The following RAP1GDS1 variants were observed in gnomAD, a reference collection of about 807,000 sequenced individuals.
The protein encoded by RAP1GDS1 is Rap1 GTPase-GDP dissociation stimulator 1, also known as RAP1, GTP-GDP dissociation stimulator 1.
A neutral mutation model predicts 71.1 loss-of-function variants in RAP1GDS1; 35 were observed. The observed-to-expected ratio is 0.49, with a 90% CI of 0.38 to 0.65. RAP1GDS1 has a LOEUF of 0.65. Ranked by LOEUF, RAP1GDS1 falls within the 30% of genes least tolerant of loss-of-function variation. The pLI, the probability that RAP1GDS1 is intolerant of heterozygous loss-of-function variation, is 0.00. For missense variants in RAP1GDS1, 663 were observed against 706.1 expected (o/e 0.94, Z 0.69); for synonymous variants, 229 against 243.1 (o/e 0.94, Z 0.54).
intron 2 of RAP1GDS1, among the ~76,000 whole-genome samples, chr4:98,303,064 A>C (rs1434250239): frequency 1.3e-5 from 2 of 151,796 alleles, no homozygotes; most frequent in Non-Finnish European, 2.9e-5. Context: ...AAAAAAAAAA[A>C]GAGGAAAGAA....
chr4:98,430,397 G>C (rs1251415700), intron 12 of RAP1GDS1, among the ~76,000 whole-genome samples: 2 of 152,140 alleles, frequency 1.3e-5, no homozygotes, highest in Non-Finnish European at 2.9e-5. Flanking sequence ...AATTGCATGA[G>C]TTCTATGTCA....
chr4:98,282,457 C>A (rs1578291870), intron 1 of RAP1GDS1, among the ~76,000 whole-genome samples: 1 of 152,058 alleles, frequency 6.6e-6, no homozygotes, highest in Non-Finnish European at 1.5e-5. Context: ...GTGGTGATAT[C>A]CTCTTTATCA....
chr4:98,306,984 T>C (rs948175620), intron 2 of RAP1GDS1, among the ~76,000 whole-genome samples: 2 of 152,270 alleles, frequency 1.3e-5, no homozygotes, highest in Non-Finnish European at 2.9e-5. Flanking sequence ...ATGAGACATT[T>C]TTTGGAAATA....
chr4:98,279,560 A>C (rs889359483), intron 1 of RAP1GDS1, among the ~76,000 whole-genome samples: 11 of 152,022 alleles, frequency 7.2e-5, no homozygotes, highest in African/African-American at 2.7e-4. Flanking sequence ...ATATACTTAC[A>C]TGTATACATA....
At chr4:98,384,461 A>G (rs564945662) in intron 5 of RAP1GDS1, among the ~76,000 whole-genome samples, 2 of 151,856 alleles carry the variant, frequency 1.3e-5, no homozygotes, top group African/African-American at 2.4e-5. Context: ...ATAAAGTTCT[A>G]CCACAAGTGT....
chr4:98,374,113 G>A (rs749823594), intron 4 of RAP1GDS1, among the ~76,000 whole-genome samples: 1 of 152,246 alleles, frequency 6.6e-6, no homozygotes, highest in Admixed American at 6.5e-5. Context: ...CATGGATGAA[G>A]GGGGACTACT....
chr4:98,416,257 T>G (rs577648294), intron 7 of RAP1GDS1, among the ~76,000 whole-genome samples: 1 of 151,840 alleles, frequency 6.6e-6, no homozygotes, highest in South Asian at 2.1e-4. Context: ...TTTTGTATAT[T>G]TAAATGAACT....
chr4:98,408,279 A>T (rs559134999), intron 7 of RAP1GDS1, among the ~76,000 whole-genome samples: 1 of 151,838 alleles, frequency 6.6e-6, no homozygotes, highest in Non-Finnish European at 1.5e-5. Context: ...GGCGCCTCCT[A>T]CCACGCCTGG....
chr4:98,421,298 G>C lies in RAP1GDS1; in HGVS notation c.1344G>C (p.Glu448Asp). 2 of 1,611,696 alleles carry C rather than the reference G, an allele frequency of 1.2e-6. No homozygotes were observed. Among genetic ancestry groups the C allele is most frequent in the Non-Finnish European group, 1.7e-6 (2 of 1,178,604 alleles). Residue 448 changes from glutamate (E) to aspartate (D), a missense_variant, in exon 12 of 15, where the codon GAG (glutamate) becomes GAC (aspartate). By Grantham distance (45) the Glu-to-Asp change is conservative (BLOSUM62 2). Transcript: ENST00000408927. ...TGGGAAAGAATGTTAAGTTAGTGGA[G>C]CGTTTGGTGGAATGGTGTGAAGCCA... ...EQLGKNVKLV[E>D]RLVEWCEAKD...
chr4:98,371,139 A>G (rs1346311145), intron 4 of RAP1GDS1, among the ~76,000 whole-genome samples: 1 of 146,574 alleles, frequency 6.8e-6, no homozygotes, highest in African/African-American at 2.5e-5. Flanking sequence ...TTTTGAGACG[A>G]AGTCTCTCTG....
intron 3 of RAP1GDS1, among the ~76,000 whole-genome samples, chr4:98,349,481 T>C (rs1736815959): frequency 6.6e-6 from 1 of 152,176 alleles, no homozygotes; most frequent in African/African-American, 2.4e-5. Flanking sequence ...AACTTTAAGG[T>C]AGTTTTTTCC....
rs770773993 is a variant in RAP1GDS1 at position 98,404,483 on chromosome 4, G to A, written c.644G>A (p.Ser215Asn). The change falls in exon 7 of 15, where the codon AGT (serine) becomes AAT (asparagine). Residue 215 changes from serine (S) to asparagine (N), a missense_variant. Physicochemically the swap from Ser to Asn is conservative, Grantham distance 46 (BLOSUM62 1). Transcript: ENST00000408927. ...TTTCTTTTTTATTTTACAGAGTCAAGTAAAGAACAGTTTGCCAGTACAAAC... is the reference window on the plus strand; with the variant it reads ...TTTCTTTTTTATTTTACAGAGTCAAATAAAGAACAGTTTGCCAGTACAAAC... Reference protein sequence around the residue: ...AFGNLAELESSKEQFASTNIA... With the variant: ...AFGNLAELESNKEQFASTNIA... 96 of 1,594,532 alleles carry A rather than the reference G, an allele frequency of 6.0e-5. No individual in the cohort carries two copies. The South Asian group carries it at 1.0e-3, about 17-fold the overall frequency.
At chr4:98,301,405 C>T (rs773469976) in intron 2 of RAP1GDS1, among the ~76,000 whole-genome samples, 5 of 152,120 alleles carry the variant, frequency 3.3e-5, no homozygotes, top group Non-Finnish European at 5.9e-5. Flanking sequence ...CCTGGATTGC[C>T]ATAGGATGGT....
At chr4:98,277,179 G>T (rs1260491680) in intron 1 of RAP1GDS1, among the ~76,000 whole-genome samples, 1 of 152,144 alleles carries the variant, frequency 6.6e-6, no homozygotes, top group Admixed American at 6.5e-5. Context: ...CCAAGTAAGT[G>T]AGTTGATGGA....
rs1751973412 is a variant in RAP1GDS1, at chr4:98,442,206, C to T, written c.*89C>T. 1.3e-6 allele frequency: 2 copies of T among 1,507,440 alleles called. No individual in the cohort carries two copies. Among genetic ancestry groups the T allele is most frequent in the South Asian group, 1.2e-5 (1 of 80,626 alleles). The allele number at this position is 1,507,440 out of a possible 1,614,324, so 93.4% of individuals were successfully genotyped here. On this transcript the variant is annotated 3_prime_UTR_variant, in exon 15 of 15. Transcript: ENST00000408927. Reference sequence around the variant, plus strand: ...TCTTCCGCTTCATTCTCTACCATACCACTTGTGCATGCATGTGATGTTCTA... The same window carrying T: ...TCTTCCGCTTCATTCTCTACCATACTACTTGTGCATGCATGTGATGTTCTA...
intron 7 of RAP1GDS1, among the ~76,000 whole-genome samples, chr4:98,412,841 A>G (rs993060367): frequency 6.6e-6 from 1 of 152,122 alleles, no homozygotes; most frequent in African/African-American, 2.4e-5. Context: ...AGGGATTTCA[A>G]AAGGGGAGGG....
At chr4:98,305,609 T>C (rs1255001402) in intron 2 of RAP1GDS1, among the ~76,000 whole-genome samples, 2 of 152,112 alleles carry the variant, frequency 1.3e-5, no homozygotes, top group Non-Finnish European at 2.9e-5. Context: ...TCACAAGCCA[T>C]GAGATTAGTA....
intron 2 of RAP1GDS1, among the ~76,000 whole-genome samples, chr4:98,317,137 G>A (rs774763385): frequency 6.6e-6 from 1 of 152,002 alleles, no homozygotes; most frequent in Admixed American, 6.6e-5. Context: ...CTGTTAAGGG[G>A]CCTCCATCAC....
At chr4:98,417,792 T>G (rs1702577720) in intron 9 of RAP1GDS1, among the ~76,000 whole-genome samples, 1 of 152,198 alleles carries the variant, frequency 6.6e-6, no homozygotes, top group African/African-American at 2.4e-5. Context: ...TCTGCTTTCT[T>G]TTGCCTAGTG....
Sources: gnomAD v4.1 joint callset for allele counts (sites outside exome capture counted in the v4.1 genomes callset) on GRCh38, gnomAD v4.1.1 for gene constraint, MANE v1.5 for transcripts, NCBI Gene and HGNC (gene_info 2026-07-23, HGNC 2026-07-21) for gene names.